The following ROBO2 variants were observed in gnomAD, a reference collection of about 807,000 sequenced individuals.
The protein encoded by ROBO2 is roundabout guidance receptor 2, also known as roundabout homolog 2.
Under a neutral mutation model 160.8 loss-of-function variants are expected in ROBO2, and 53 were observed. The observed-to-expected ratio is 0.33, with a 90% confidence interval of 0.26 to 0.41. ROBO2 has a LOEUF of 0.41. ROBO2 is among the 10% of genes least tolerant of loss of function. The pLI is 1.00. For missense variants in ROBO2, 1,577 were observed against 1,722.4 expected (o/e 0.92, Z 1.49); for synonymous variants, 664 against 611.7 (o/e 1.09, Z -1.26).
At chr3:77,202,262 G>A (rs1046755835) in intron 2 of ROBO2, among the ~76,000 whole-genome samples, 1 of 152,152 alleles carries the variant, frequency 6.6e-6, no homozygotes, top group African/African-American at 2.4e-5. Context: ...CATTGTGACT[G>A]TACAAAATGG....
intron 20 of ROBO2, among the ~76,000 whole-genome samples, chr3:77,603,303 A>C (rs186988328): frequency 1.4e-4 from 21 of 152,344 alleles, no homozygotes; most frequent in Non-Finnish European, 2.8e-4. Context: ...CATTCTACTA[A>C]ATACTATTCA....
intron 2 of ROBO2, among the ~76,000 whole-genome samples, chr3:76,223,083 C>T (rs1704072719): frequency 6.6e-6 from 1 of 151,596 alleles, no homozygotes; most frequent in African/African-American, 2.4e-5. Context: ...TATCCATTCC[C>T]AGACATGCTC....
chr3:77,035,060 AGTT>A (rs1409113968), upstream of ROBO2, among the ~76,000 whole-genome samples: 1 of 151,952 alleles, frequency 6.6e-6, no homozygotes, highest in African/African-American at 2.4e-5. Flanking sequence ...TAATGACTGA[AGTT>A]GTACTTTCAA....
chr3:76,203,968 C>T (rs1023386386), intron 2 of ROBO2, among the ~76,000 whole-genome samples: 2 of 152,196 alleles, frequency 1.3e-5, no homozygotes, highest in Non-Finnish European at 2.9e-5. Flanking sequence ...GCATTTTCCT[C>T]ACACAACAGC....
intron 2 of ROBO2, among the ~76,000 whole-genome samples, chr3:77,110,719 G>A (rs2073467145): frequency 1.3e-5 from 2 of 151,134 alleles, no homozygotes; most frequent in South Asian, 4.2e-4. Context: ...AGAGAGGCAA[G>A]TTCTCACTCT....
chr3:76,009,030 G>A (rs2066115109), intron 2 of ROBO2, among the ~76,000 whole-genome samples: 1 of 152,108 alleles, frequency 6.6e-6, no homozygotes, highest in African/African-American at 2.4e-5. Context: ...GCATCCCAGT[G>A]TGACATTCCT....
chr3:76,665,964 A>G (rs1444201552), intron 2 of ROBO2, among the ~76,000 whole-genome samples: 3 of 142,044 alleles, frequency 2.1e-5, no homozygotes, highest in Admixed American at 7.4e-5. Flanking sequence ...ATATATACAT[A>G]TAATATATAT....
chr3:77,500,336 G>T (rs1472675642), intron 5 of ROBO2, among the ~76,000 whole-genome samples: 1 of 152,042 alleles, frequency 6.6e-6, no homozygotes, highest in African/African-American at 2.4e-5. Flanking sequence ...GGTTTTTAAG[G>T]CCACATATTA....
chr3:76,637,606 T>C (rs981776859), intron 2 of ROBO2, among the ~76,000 whole-genome samples: 3 of 152,092 alleles, frequency 2.0e-5, no homozygotes, highest in Admixed American at 6.6e-5. Context: ...ATTTTTAATT[T>C]GAAATAATAA....
intron 2 of ROBO2, among the ~76,000 whole-genome samples, chr3:76,070,972 A>G (rs1413789750): frequency 6.6e-6 from 1 of 152,178 alleles, no homozygotes; most frequent in Non-Finnish European, 1.5e-5. Context: ...TTTTTAATAT[A>G]CTGTCTAACC....
At chr3:76,086,327 C>A (rs80315522) in intron 2 of ROBO2, among the ~76,000 whole-genome samples, 3,807 of 152,146 alleles carry the variant, frequency 0.025, 140 homozygotes, top group African/African-American at 0.08. Context: ...GGTAACCGCC[C>A]CCATGATTCA....
At chr3:77,232,665 G>C (rs532664100) in intron 2 of ROBO2, among the ~76,000 whole-genome samples, 6 of 152,316 alleles carry the variant, frequency 3.9e-5, no homozygotes, top group Non-Finnish European at 7.4e-5. Context: ...AATTGTTGGA[G>C]TGAACTCCAG....
chr3:77,536,621 A>C (rs1413796366), intron 6 of ROBO2, among the ~76,000 whole-genome samples: 1 of 152,270 alleles, frequency 6.6e-6, no homozygotes, highest in Admixed American at 6.5e-5. Flanking sequence ...TGTTTCCAGG[A>C]ATGTCTCTTG....
intron 4 of ROBO2, among the ~76,000 whole-genome samples, chr3:77,482,016 T>A (rs1234252458): frequency 6.6e-6 from 1 of 152,184 alleles, no homozygotes. Flanking sequence ...TCTTTTAGAA[T>A]ACATTCTATT....
In ROBO2 at chr3:76,986,786, G is replaced by C. The variant is rs1399157729; in HGVS notation, c.110-111228G>C. On this transcript the variant is annotated intron_variant, in intron 2 of 26. Transcript: ENST00000487694. ...TAATATGGAACTGACTATGCTATTA[G>C]CAAATTTTATATTACATGCGTATAC... Among the ~76,000 whole-genome samples the C allele has an allele frequency of 2.0e-5, 3 of 152,106 alleles. No homozygotes were observed. The East Asian group carries it at 5.8e-4, about 29-fold the overall frequency.
At chr3:76,879,477 C>T (rs2073120747) in intron 2 of ROBO2, among the ~76,000 whole-genome samples, 3 of 151,964 alleles carry the variant, frequency 2.0e-5, no homozygotes, top group Admixed American at 2.0e-4. Flanking sequence ...AACTCTCTTC[C>T]TCTGAAAAAA....
In ROBO2 at chr3:76,009,939, AT is replaced by A. The variant is rs967857832; in HGVS notation, c.109+72346del. Among the ~76,000 whole-genome samples the A allele has an allele frequency of 7.3e-5, 11 of 151,338 alleles. No individual in the cohort carries two copies. In the East Asian group the frequency reaches 9.7e-4, roughly 13 times the overall value. ...TTGATGAAAAGCTTTAGCTTTTGCT[AT>A]TTTTTTTTCTAATCAGTGATTCAGT... On this transcript the variant is annotated intron_variant, in intron 2 of 26. Transcript: ENST00000487694.
At chr3:76,390,469 T>C (rs905088482) in intron 2 of ROBO2, among the ~76,000 whole-genome samples, 3 of 152,304 alleles carry the variant, frequency 2.0e-5, no homozygotes, top group South Asian at 2.1e-4. Context: ...AGATTCTTTT[T>C]AGATGATATT....
At chr3:76,740,260 G>A (rs1054250774) in intron 2 of ROBO2, among the ~76,000 whole-genome samples, 3 of 152,142 alleles carry the variant, frequency 2.0e-5, no homozygotes, top group Admixed American at 6.5e-5. Context: ...AACTCAGTGT[G>A]TTGATGAGTG....
Sources: allele counts gnomAD v4.1 joint callset (sites outside exome capture counted in the v4.1 genomes callset), GRCh38; gene constraint gnomAD v4.1.1; transcripts MANE v1.5; gene names NCBI Gene and HGNC (gene_info 2026-07-23, HGNC 2026-07-21).